Variants in KCNIP4 observed in about 807,000 individuals in gnomAD.
KCNIP4 encodes the protein potassium voltage-gated channel interacting protein 4.
Under a neutral mutation model 34.0 loss-of-function variants are expected in KCNIP4, and 12 were observed. The ratio of observed to expected loss-of-function variants is 0.35; its 90% CI spans 0.23 to 0.57. The LOEUF is 0.57. KCNIP4 is among the 20% of genes least tolerant of loss of function. The pLI is 0.83. For synonymous variants in KCNIP4, 124 were observed against 102.2 expected (o/e 1.21, Z -1.29); for missense variants, 238 against 311.7 (o/e 0.76, Z 1.78).
At chr4:21,831,670 A>AAAG (rs1723000598) in intron 1 of KCNIP4, among the ~76,000 whole-genome samples, 1 of 149,188 alleles carries the variant, frequency 6.7e-6, no homozygotes, top group Admixed American at 6.7e-5. Flanking sequence ...CATCAAAAAA[A>AAAG]AAAAAAAAAA....
intron 1 of KCNIP4, among the ~76,000 whole-genome samples, chr4:21,684,162 T>C (rs1750634004): frequency 6.6e-6 from 1 of 152,196 alleles, no homozygotes; most frequent in Non-Finnish European, 1.5e-5. Context: ...AAAAAATGCT[T>C]ACTTTAAAAT....
At chr4:20,877,431 G>A (rs1053763611) in intron 2 of KCNIP4, among the ~76,000 whole-genome samples, 1 of 151,996 alleles carries the variant, frequency 6.6e-6, no homozygotes, top group Admixed American at 6.6e-5. Context: ...GACCCTGACT[G>A]ATACTGAATC....
chr4:20,973,951 G>A (rs1577466235), intron 1 of KCNIP4, among the ~76,000 whole-genome samples: 1 of 152,020 alleles, frequency 6.6e-6, no homozygotes. Context: ...TAATACCAAA[G>A]ATCACTAAAA....
intron 1 of KCNIP4, among the ~76,000 whole-genome samples, chr4:21,108,671 A>G (rs1748825673): frequency 6.6e-6 from 1 of 151,714 alleles, no homozygotes; most frequent in Admixed American, 6.5e-5. Flanking sequence ...GAGGAGAGGC[A>G]CTCTGCTTTT....
At chr4:21,773,823 G>A (rs1394256132) in intron 1 of KCNIP4, among the ~76,000 whole-genome samples, 2 of 148,294 alleles carry the variant, frequency 1.3e-5, no homozygotes, top group Non-Finnish European at 3.0e-5. Context: ...TTTATTTTGA[G>A]CCTGTGTGTT....
chr4:20,861,215 C>T (rs756025128), intron 2 of KCNIP4, among the ~76,000 whole-genome samples: 6 of 152,144 alleles, frequency 3.9e-5, no homozygotes, highest in Non-Finnish European at 8.8e-5. Flanking sequence ...TAAACTGGGG[C>T]CAGGCCCTGT....
intron 3 of KCNIP4, among the ~76,000 whole-genome samples, chr4:20,778,326 T>C (rs1578595701): frequency 6.6e-6 from 1 of 152,200 alleles, no homozygotes; most frequent in Non-Finnish European, 1.5e-5. Context: ...AACCATAACA[T>C]TGACCAATAT....
chr4:21,273,296 T>C (rs574444396), intron 1 of KCNIP4, among the ~76,000 whole-genome samples: 15 of 152,254 alleles, frequency 9.9e-5, no homozygotes, highest in South Asian at 4.1e-4. Context: ...TAGCAATTTC[T>C]TCCTAATTGT....
At chr4:21,552,364 CAAT>C (rs1560510658) in intron 1 of KCNIP4, among the ~76,000 whole-genome samples, 2 of 152,042 alleles carry the variant, frequency 1.3e-5, no homozygotes, top group Non-Finnish European at 2.9e-5. Context: ...GTTTTGCAAA[CAAT>C]GATAGTAATG....
chr4:21,782,655 G>A (rs11736882), intron 1 of KCNIP4, among the ~76,000 whole-genome samples: 13,854 of 152,176 alleles, frequency 0.091, 663 homozygotes, highest in Middle Eastern at 0.18. Flanking sequence ...CTGTGTTAGT[G>A]CCACTGCACT....
intron 1 of KCNIP4, among the ~76,000 whole-genome samples, chr4:21,192,854 G>A (rs1306215572): frequency 2.0e-5 from 3 of 151,136 alleles, no homozygotes; most frequent in Non-Finnish European, 2.9e-5. Flanking sequence ...CCAGGGGTTT[G>A]AGACCAACTT....
intron 1 of KCNIP4, among the ~76,000 whole-genome samples, chr4:21,579,005 C>T (rs1478544461): frequency 6.6e-6 from 1 of 152,098 alleles, no homozygotes. Flanking sequence ...CTCATAGAAG[C>T]CTAAATTTTT....
intron 3 of KCNIP4, among the ~76,000 whole-genome samples, chr4:20,840,645 G>A (rs1719610162): frequency 6.6e-6 from 1 of 152,168 alleles, no homozygotes; most frequent in South Asian, 2.1e-4. Context: ...TGGAAGGAGT[G>A]TCCTCAATAA....
intron 1 of KCNIP4, among the ~76,000 whole-genome samples, chr4:21,940,738 T>C (rs1334667729): frequency 6.6e-6 from 1 of 152,186 alleles, no homozygotes; most frequent in Non-Finnish European, 1.5e-5. Context: ...CTCGCCTTTC[T>C]AAATTAAATT....
At chr4:21,782,257 T>C (rs1020973003) in intron 1 of KCNIP4, among the ~76,000 whole-genome samples, 2 of 152,092 alleles carry the variant, frequency 1.3e-5, no homozygotes, top group Admixed American at 1.3e-4. Context: ...AAGATAGAAA[T>C]ATACATGCCA....
intron 1 of KCNIP4, among the ~76,000 whole-genome samples, chr4:21,611,215 C>A (rs916523710): frequency 1.3e-5 from 2 of 152,052 alleles, no homozygotes; most frequent in African/African-American, 4.8e-5. Flanking sequence ...ATCCAGTCTA[C>A]CATTGATGGG....
intron 1 of KCNIP4, among the ~76,000 whole-genome samples, chr4:20,894,273 G>A (rs769640711): frequency 1.2e-4 from 19 of 152,166 alleles, no homozygotes; most frequent in Non-Finnish European, 1.8e-4. Context: ...AGGTGAGTAA[G>A]GTTGATTCTT....
intron 1 of KCNIP4, among the ~76,000 whole-genome samples, chr4:21,562,105 T>C (rs1739524589): frequency 6.6e-6 from 1 of 151,892 alleles, no homozygotes; most frequent in Non-Finnish European, 1.5e-5. Context: ...CCTTTCTGTC[T>C]CTCCATTTGC....
intron 1 of KCNIP4, chr4:21,697,343 T>C: frequency 7.7e-7 from 1 of 1,301,876 alleles, no homozygotes; most frequent in Non-Finnish European, 1.0e-6. Context: ...AAAAAAAAAG[T>C]CATTACCTGT....
Sources: allele counts gnomAD v4.1 joint callset (sites outside exome capture counted in the v4.1 genomes callset), GRCh38; gene constraint gnomAD v4.1.1; transcripts MANE v1.5; gene names NCBI Gene and HGNC (gene_info 2026-07-23, HGNC 2026-07-21).